Variants in VPS13B observed in about 807,000 individuals in gnomAD.
VPS13B encodes the protein vacuolar protein sorting 13 homolog B.
In VPS13B, 285 loss-of-function variants were observed where a neutral mutation model predicts 426.4. The observed-to-expected ratio is 0.67, with a 90% CI of 0.61 to 0.74. The LOEUF is 0.74. VPS13B is among the 30% of genes least tolerant of loss of function. The probability of loss-of-function intolerance (pLI) is 0.00; values close to 1 mark genes in which losing one functional copy is unlikely to be tolerated. For synonymous variants in VPS13B, 1,676 were observed against 1,676.4 expected, an observed-to-expected ratio of 1.00 and a Z score of 0.01; for missense variants, 4,537 against 4,782.6, an observed-to-expected ratio of 0.95 and a Z score of 1.51.
intron 33 of VPS13B, among the ~76,000 whole-genome samples, chr8:99,638,941 A>G: frequency 6.6e-6 from 1 of 152,292 alleles, no homozygotes; most frequent in East Asian, 1.9e-4. Context: ...CTCTTCAGTG[A>G]TATATAGAAG....
chr8:99,623,428 A>C (rs529329153), intron 33 of VPS13B, among the ~76,000 whole-genome samples: 2 of 151,468 alleles, frequency 1.3e-5, no homozygotes, highest in African/African-American at 4.9e-5. Context: ...ACATTTCCCT[A>C]CCTCCTCGTA....
intron 5 of VPS13B, among the ~76,000 whole-genome samples, chr8:99,110,078 T>C (rs1468447791): frequency 6.6e-6 from 1 of 152,144 alleles, no homozygotes; most frequent in Admixed American, 6.5e-5. Flanking sequence ...TATGTCTTTT[T>C]CAACTAACAG....
intron 25 of VPS13B, among the ~76,000 whole-genome samples, chr8:99,496,501 C>T (rs1301762598): frequency 6.6e-6 from 1 of 151,962 alleles, no homozygotes; most frequent in African/African-American, 2.4e-5. Context: ...AATATAAAAA[C>T]TTACCCAGGC....
chr8:99,821,344 G>A lies in VPS13B; in HGVS notation c.9045G>A (p.Lys3015=). Residue 3015 remains lysine, a synonymous_variant, in exon 50 of 62, where the codon AAG becomes AAA. Transcript: ENST00000357162. ...GGGCAAATACAAACACTGTGCACAA[G>A]TCAGTAGCAATTAAACTGGTCCATA... ...IYWANTNTVH[K]SVAIKLVHNL... is the part of the protein sequence containing the mutation. The A allele has an allele frequency of 6.2e-7, 1 of 1,613,798 alleles. No homozygotes were observed. The highest frequency in any genetic ancestry group is 8.5e-7 in the Non-Finnish European group (1 of 1,179,812).
chr8:99,166,525 G>A (rs1812013273), intron 15 of VPS13B, among the ~76,000 whole-genome samples: 1 of 152,124 alleles, frequency 6.6e-6, no homozygotes, highest in African/African-American at 2.4e-5. Flanking sequence ...ACTTAACCAA[G>A]GAAGTGAAAG....
At chr8:99,354,266 CTTTTTTTTTTTTTTTTTTTTTTTTTTTT>C (rs71273176) in intron 19 of VPS13B, among the ~76,000 whole-genome samples, 1 of 22,172 alleles carries the variant, frequency 4.5e-5, no homozygotes, top group Non-Finnish European at 9.6e-5. Flanking sequence ...CTCCCCCTGC[CTTTTTTTTTTTTTTTTTTTTTTTTTTTT>C]TTTTTTTTTT....
At chr8:99,758,234 A>G (rs1349208058) in intron 39 of VPS13B, among the ~76,000 whole-genome samples, 3 of 152,238 alleles carry the variant, frequency 2.0e-5, no homozygotes, top group Non-Finnish European at 2.9e-5. Context: ...TATAAGAACA[A>G]TAAGACCACA....
intron 28 of VPS13B, among the ~76,000 whole-genome samples, chr8:99,509,504 A>C (rs1339490049): frequency 6.6e-6 from 1 of 152,168 alleles, no homozygotes; most frequent in East Asian, 1.9e-4. Context: ...AGCAGTGATA[A>C]CTGAATTGCA....
intron 8 of VPS13B, among the ~76,000 whole-genome samples, chr8:99,127,397 A>G (rs1198808577): frequency 6.6e-6 from 1 of 152,194 alleles, no homozygotes; most frequent in African/African-American, 2.4e-5. Flanking sequence ...TACTTAACAC[A>G]TACAAACAGA....
intron 21 of VPS13B, among the ~76,000 whole-genome samples, chr8:99,420,806 T>G (rs1169527498): frequency 2.6e-5 from 4 of 152,150 alleles, no homozygotes; most frequent in Non-Finnish European, 4.4e-5. Context: ...CAAATCTTTT[T>G]GGGAAATCAG....
chr8:99,837,099 G>A (rs1815437215), intron 54 of VPS13B, among the ~76,000 whole-genome samples: 2 of 152,170 alleles, frequency 1.3e-5, no homozygotes, highest in Admixed American at 1.3e-4. Flanking sequence ...AAGCTCCTGT[G>A]AAGTGTATTT....
intron 35 of VPS13B, among the ~76,000 whole-genome samples, chr8:99,667,211 G>A (rs187815903): frequency 1.0e-3 from 152 of 152,246 alleles, no homozygotes; most frequent in African/African-American, 3.5e-3. Context: ...AAAGCTCCCA[G>A]ATGAAGTAGA....
At chr8:99,737,160 G>A (rs559246582) in intron 39 of VPS13B, among the ~76,000 whole-genome samples, 11 of 105,254 alleles carry the variant, frequency 1.0e-4, no homozygotes, top group South Asian at 1.0e-3. Flanking sequence ...TCGCTCTGTC[G>A]CCCAGGCTGG....
At chr8:99,803,329 TGA>T (rs1268158624) in intron 43 of VPS13B, among the ~76,000 whole-genome samples, 1 of 152,190 alleles carries the variant, frequency 6.6e-6, no homozygotes, top group East Asian at 1.9e-4. Flanking sequence ...CAGATAATCT[TGA>T]GAGAGAACTT....
chr8:99,235,099 G>A (rs1224530678), intron 17 of VPS13B, among the ~76,000 whole-genome samples: 1 of 150,620 alleles, frequency 6.6e-6, no homozygotes, highest in African/African-American at 2.4e-5. Flanking sequence ...ATGAATTGTT[G>A]GTATAGGGGA....
chr8:99,287,232 G>GTCTATCTA (rs58719967), intron 19 of VPS13B, among the ~76,000 whole-genome samples: 13 of 139,138 alleles, frequency 9.3e-5, no homozygotes, highest in Admixed American at 1.6e-4. Flanking sequence ...CTATCTGTCT[G>GTCTATCTA]TCTATCTATC....
intron 21 of VPS13B, among the ~76,000 whole-genome samples, chr8:99,411,258 C>A (rs1815645061): frequency 6.6e-6 from 1 of 152,158 alleles, no homozygotes; most frequent in Non-Finnish European, 1.5e-5. Flanking sequence ...GCCATTCTAA[C>A]CGGCATGAGA....
chr8:99,019,395 G>A (rs1005948081), intron 2 of VPS13B, among the ~76,000 whole-genome samples: 4 of 151,864 alleles, frequency 2.6e-5, no homozygotes, highest in Admixed American at 2.6e-4. Flanking sequence ...TTTTAGTAGC[G>A]ATTGGGTTTC....
chr8:99,824,744 A>T (rs1384038795), intron 51 of VPS13B, among the ~76,000 whole-genome samples: 1 of 151,940 alleles, frequency 6.6e-6, no homozygotes, highest in Non-Finnish European at 1.5e-5. Flanking sequence ...CCCCTGCGAC[A>T]GGCCCTGGTG....
Sources: gnomAD v4.1 joint callset for allele counts (sites outside exome capture counted in the v4.1 genomes callset) on GRCh38, gnomAD v4.1.1 for gene constraint, MANE v1.5 for transcripts, NCBI Gene and HGNC (gene_info 2026-07-23, HGNC 2026-07-21) for gene names.